Variants in VCAM1 observed in about 807,000 individuals in gnomAD.
The protein encoded by VCAM1 is vascular cell adhesion protein 1.
Under a neutral mutation model 63.8 loss-of-function variants are expected in VCAM1, and 41 were observed. The ratio of observed to expected loss-of-function variants is 0.64; its 90% confidence interval spans 0.50 to 0.83. The LOEUF is 0.83. Ranked by LOEUF, VCAM1 falls within the 40% of genes least tolerant of loss-of-function variation. The pLI is 0.00. For missense variants in VCAM1, 798 were observed against 875.5 expected (o/e 0.91, Z 1.12); for synonymous variants, 338 against 320.7 (o/e 1.05, Z -0.58).
intron 4 of VCAM1, among the ~76,000 whole-genome samples, chr1:100,726,628 T>G (rs140840096): frequency 6.6e-6 from 1 of 152,138 alleles, no homozygotes; most frequent in African/African-American, 2.4e-5. Context: ...TCGTGTACAC[T>G]CAACACTCCT....
chr1:100,723,036 A>G lies in VCAM1; in HGVS notation c.357A>G (p.Pro119=), dbSNP rs772178628. ...CCTTTTCAGCTTTTCCTAAGGATCCAGAGATTCATTTGAGTGGCCCTCTGG... is the reference window on the plus strand; with the variant it reads ...CCTTTTCAGCTTTTCCTAAGGATCCGGAGATTCATTTGAGTGGCCCTCTGG... The part of the protein sequence containing the change: ...QVEIYSFPKD[P]EIHLSGPLEA... Residue 119 remains proline (P), a synonymous_variant, in exon 3 of 9, where the codon CCA becomes CCG. Coordinates refer to ENST00000294728, the MANE Select transcript of VCAM1 (RefSeq NM_001078.4). 6.2e-7 allele frequency: 1 copy of G among 1,610,654 alleles called. No homozygotes were observed. The highest frequency in any genetic ancestry group is 2.2e-5 in the East Asian group (1 of 44,822).
chr1:100,738,532 C>T lies in VCAM1; in HGVS notation c.*249C>T. On this transcript the variant is annotated 3_prime_UTR_variant, in exon 9 of 9. Transcript: ENST00000294728. ...GTTCCTTGATCTGTATATACAATAA[C>T]ATAATTTGTACATATGTAAAATAAA... 2 of 270,712 alleles carry T rather than the reference C, an allele frequency of 7.4e-6. No homozygotes were observed. Among genetic ancestry groups the T allele is most frequent in the Non-Finnish European group, 1.4e-5 (2 of 144,062 alleles). 16.8% of individuals were successfully genotyped at this position (270,712 alleles called of 1,614,324 possible).
intron 8 of VCAM1, chr1:100,735,917 G>C (rs1660632025): frequency 6.6e-6 from 1 of 152,114 alleles, no homozygotes; most frequent in Non-Finnish European, 1.5e-5. Flanking sequence ...ATGATTCAGG[G>C]GTATATGTAA....
At chr1:100,729,052 GA>G in intron 4 of VCAM1, 54 bp from the exon 5 acceptor site, 1 of 1,471,786 alleles carries the variant, frequency 6.8e-7, no homozygotes, top group Non-Finnish European at 9.0e-7. Context: ...AGAATGTGAT[GA>G]AAAAAGAAAA....
intron 8 of VCAM1, chr1:100,735,649 C>T (rs1252628432): frequency 1.3e-5 from 2 of 152,136 alleles, no homozygotes; most frequent in East Asian, 1.9e-4. Flanking sequence ...AATTTTTGTT[C>T]GTCTACCCAA....
In VCAM1 at chr1:100,723,264, C is replaced by T; in HGVS notation, c.585C>T (p.Cys195=). Residue 195 remains cysteine, a synonymous_variant, in exon 3 of 9, where the codon TGC becomes TGT. Coordinates refer to ENST00000294728, the MANE Select transcript of VCAM1 (RefSeq NM_001078.4). The stretch of plus-strand genomic sequence containing the variant: ...AGGATATTGGAAAAGTTCTTGTTTG[C>T]CGAGCTAAATTACACATTGATGAAA... The part of the protein sequence containing the change: ...VIEDIGKVLV[C]RAKLHIDEMD... The T allele has an allele frequency of 6.2e-7, 1 of 1,613,030 alleles. No homozygotes were observed. The highest frequency in any genetic ancestry group is 1.3e-5 in the African/African-American group (1 of 74,918).
intron 1 of VCAM1, among the ~76,000 whole-genome samples, 189 bp from the exon 2 acceptor site, chr1:100,720,287 C>T (rs3917028): frequency 0.026 from 3,908 of 152,174 alleles, 159 homozygotes; most frequent in African/African-American, 0.09. Context: ...AGAATTCTCT[C>T]TACTGAAGAT....
chr1:100,735,851 T>G (rs1660630709), intron 8 of VCAM1: 1 of 152,196 alleles, frequency 6.6e-6, no homozygotes, highest in Non-Finnish European at 1.5e-5. Flanking sequence ...ATCTAGCCAA[T>G]GAAGTTACTA....
At chr1:100,734,842 T>A in intron 8 of VCAM1, 74 bp downstream of exon 8, 1 of 1,529,098 alleles carries the variant, frequency 6.5e-7, no homozygotes. Flanking sequence ...GTTTCCAATA[T>A]TTGATGAATG....
In VCAM1 at chr1:100,731,324, A is replaced by AG; in HGVS notation, c.1332dup (p.Thr445AspfsTer31). 1 of 1,613,804 alleles carries AG rather than the reference A, an allele frequency of 6.2e-7. No homozygotes were observed. Among genetic ancestry groups the AG allele is most frequent in the African/African-American group, 1.3e-5 (1 of 75,016 alleles). On this transcript the variant is annotated frameshift_variant, in exon 6 of 9. Coordinates refer to ENST00000294728, the MANE Select transcript of VCAM1 (RefSeq NM_001078.4). LOFTEE classifies it high-confidence loss of function. The surrounding 1 kb of genome is among the most constrained non-coding windows in gnomAD (Gnocchi z 4.2). ...CTGGAGATTGAATTACTTAAGGGGG[A>AG]GACTATTCTGGAGAATATAGAGTTT...
rs562303407 is a variant in VCAM1 at position 100,724,152 on chromosome 1, G to C, written c.662-472G>C. 1.2e-3 allele frequency among the ~76,000 whole-genome samples: 177 copies of C among 152,188 alleles called. 2 individuals are homozygous for C. The South Asian group carries it at 0.026, about 22-fold the overall frequency. On this transcript the variant is annotated intron_variant, in intron 3 of 8. Coordinates refer to ENST00000294728, the MANE Select transcript of VCAM1 (RefSeq NM_001078.4). Reference sequence around the variant, plus strand: ...ATGAAAGAGTGATTTACCTTATTCTGTAACAGCACAGGGCTGAATTATGGC... The same window carrying C: ...ATGAAAGAGTGATTTACCTTATTCTCTAACAGCACAGGGCTGAATTATGGC...
At chr1:100,724,284 G>T (rs1441355224) in intron 3 of VCAM1, among the ~76,000 whole-genome samples, 3 of 151,950 alleles carry the variant, frequency 2.0e-5, no homozygotes, top group Non-Finnish European at 4.4e-5. Flanking sequence ...GAAAGCAGTG[G>T]GTTGATTCTC....
intron 3 of VCAM1, 94 bp downstream of exon 3, chr1:100,723,434 ACTTGT>A: frequency 8.0e-7 from 1 of 1,248,600 alleles, no homozygotes; most frequent in Non-Finnish European, 1.1e-6. Flanking sequence ...AAAAAAAAAA[ACTTGT>A]ATATAGTTTG....
rs72981308 is a variant in VCAM1, at chr1:100,727,394, C to A, written c.929-1713C>A. ...CAAACTCACCCTAAGTGGATTATCT[C>A]GGTTGGATGTTAGGTTAGCATTCTC... On this transcript the variant is annotated intron_variant, in intron 4 of 8. Coordinates refer to ENST00000294728, the MANE Select transcript of VCAM1 (RefSeq NM_001078.4). Among the ~76,000 whole-genome samples the A allele has an allele frequency of 8.9e-3, 1,349 of 151,970 alleles. 19 individuals are homozygous for A. Among genetic ancestry groups the A allele is most frequent in the African/African-American group, 0.031 (1,288 of 41,478 alleles).
chr1:100,731,520 T>TA lies in VCAM1; in HGVS notation c.1525+4dup. ...GTACGCAAACACTTTATGTCAATGG[T>TA]AAGTACATATGTGAGGTATCTACAG... On this transcript the variant is annotated splice_region_variant and intron_variant, in intron 6 of 8. Transcript: ENST00000294728. The surrounding 1 kb of genome is among the most constrained non-coding windows in gnomAD (Gnocchi z 4.2). The TA allele has an allele frequency of 2.5e-6, 4 of 1,611,130 alleles. No homozygotes were observed. The highest frequency in any genetic ancestry group is 3.4e-6 in the Non-Finnish European group (4 of 1,178,608).
At chr1:100,723,801 G>T (rs1660057663) in intron 3 of VCAM1, among the ~76,000 whole-genome samples, 1 of 152,034 alleles carries the variant, frequency 6.6e-6, no homozygotes, top group South Asian at 2.1e-4. Flanking sequence ...ATACATAGGT[G>T]CACTGGACAG....
Position 100,720,762 on chromosome 1 carries a change from T to C in VCAM1, c.340+11T>C, listed in dbSNP as rs753419388. The C allele has an allele frequency of 5.1e-6, 8 of 1,568,750 alleles. No homozygotes were observed. Among genetic ancestry groups the C allele is most frequent in the Middle Eastern group, 1.7e-4 (1 of 5,846 alleles). ...AGGTGGAGATCTACTGTGAGTGCTT[T>C]AGAAAATCTTTGTTTTTCTCTCAAT... On this transcript the variant is annotated intron_variant, in intron 2 of 8. Transcript: ENST00000294728.
Position 100,738,437 on chromosome 1 carries a change from A to G in VCAM1, c.*154A>G, listed in dbSNP as rs1237525307. ...ATGCCCATCTATGTCCCTTGCTGTG[A>G]GCAAGAAGTCAAAGTAAAACTTGCT... is the stretch of plus-strand genomic sequence containing the variant. On this transcript the variant is annotated 3_prime_UTR_variant, in exon 9 of 9. Coordinates refer to ENST00000294728, the MANE Select transcript of VCAM1 (RefSeq NM_001078.4). 1 of 815,630 alleles carries G rather than the reference A, an allele frequency of 1.2e-6. No individual in the cohort carries two copies. The highest frequency in any genetic ancestry group is 1.7e-5 in the African/African-American group (1 of 57,798). The allele number at this position is 815,630 out of a possible 1,614,324, so 50.5% of individuals were successfully genotyped here.
rs144689437 is a variant in VCAM1, at chr1:100,723,234, C to T, written c.555C>T (p.Val185=). 90 of 1,613,052 alleles carry T rather than the reference C, an allele frequency of 5.6e-5. No homozygotes were observed. The African/African-American group carries it at 1.2e-3, about 21-fold the overall frequency. The change falls in exon 3 of 9, where the codon GTC becomes GTT. Residue 185 remains valine (V), a synonymous_variant. Transcript: ENST00000294728. The stretch of plus-strand genomic sequence containing the variant: ...GTTTGGAAGTAACCTTTACTCCTGT[C>T]ATTGAGGATATTGGAAAAGTTCTTG... ...TKSLEVTFTP[V]IEDIGKVLVC...
Sources: gnomAD v4.1 joint callset for allele counts (sites outside exome capture counted in the v4.1 genomes callset) on GRCh38, gnomAD v4.1.1 for gene constraint, Gnocchi (gnomAD v3.1) non-coding constraint, MANE v1.5 for transcripts, NCBI Gene and HGNC (gene_info 2026-07-23, HGNC 2026-07-21) for gene names.